Variants in BCKDHB observed in about 807,000 individuals in gnomAD.
The protein encoded by BCKDHB is 2-oxoisovalerate dehydrogenase subunit beta, mitochondrial.
BCKDHB carries 41 observed loss-of-function variants against 48.5 expected under a neutral mutation model. That is an observed-to-expected ratio of 0.85 (90% CI 0.66 to 1.10). The LOEUF is 1.10. BCKDHB is among the 50% of genes least tolerant of loss of function. BCKDHB has a pLI of 0.00. For missense variants in BCKDHB, 496 were observed against 494.2 expected, an observed-to-expected ratio of 1.00 and a Z score of -0.03; for synonymous variants, 201 against 174.8, an observed-to-expected ratio of 1.15 and a Z score of -1.18.
chr6:80,262,861 T>C (rs1465232354), intron 8 of BCKDHB, among the ~76,000 whole-genome samples: 1 of 152,168 alleles, frequency 6.6e-6, no homozygotes, highest in Admixed American at 6.5e-5. Flanking sequence ...CTATTGTAAG[T>C]ATATCTCACT....
the BCKDHB span, among the ~76,000 whole-genome samples, chr6:80,408,406 T>C: frequency 3.3e-5 from 5 of 152,190 alleles, no homozygotes; most frequent in Admixed American, 1.3e-4. Context: ...TTTCTTTTGA[T>C]TGGAATAGCT....
chr6:80,416,247 T>A, the BCKDHB span, among the ~76,000 whole-genome samples: 1 of 143,776 alleles, frequency 7.0e-6, no homozygotes, highest in Non-Finnish European at 1.6e-5. Context: ...TTGAATAGGT[T>A]TTTTTTTTTT....
At chr6:80,179,300 C>T (rs9350847) in intron 6 of BCKDHB, among the ~76,000 whole-genome samples, 63,962 of 152,030 alleles carry the variant, frequency 0.42, 15,929 homozygotes, top group Admixed American at 0.59. Context: ...GAAATATATA[C>T]AGTTGGCGCT....
chr6:80,160,336 T>G (rs1236253331), intron 3 of BCKDHB, among the ~76,000 whole-genome samples: 1 of 152,138 alleles, frequency 6.6e-6, no homozygotes, highest in Non-Finnish European at 1.5e-5. Flanking sequence ...TTTTGTATTT[T>G]TAGTAGAGAT....
rs1211236687 is a variant in BCKDHB at position 80,167,560 on chromosome 6, T to A, written c.344-118T>A. ...GCTAGCCATACTCTTTATTTTCTGTTTCCTCTACCTGTTCTATACTTCTCC... is the reference window on the plus strand; with the variant it reads ...GCTAGCCATACTCTTTATTTTCTGTATCCTCTACCTGTTCTATACTTCTCC... On this transcript the variant is annotated intron_variant, in intron 3 of 9. Coordinates refer to ENST00000320393, the MANE Select transcript of BCKDHB (RefSeq NM_183050.4). 2.7e-6 allele frequency: 3 copies of A among 1,117,946 alleles called. No individual in the cohort carries two copies. In the Admixed American group the frequency reaches 6.1e-5, roughly 23 times the overall value. The allele number at this position is 1,117,946 out of a possible 1,614,324, so 69.3% of individuals were successfully genotyped here.
the BCKDHB span, among the ~76,000 whole-genome samples, chr6:80,377,269 C>T: frequency 1.3e-5 from 2 of 151,950 alleles, no homozygotes; most frequent in African/African-American, 4.8e-5. Flanking sequence ...CTCGAACTCC[C>T]AAATTCAAGT....
At chr6:80,156,065 C>T (rs183528627) in intron 3 of BCKDHB, among the ~76,000 whole-genome samples, 3 of 151,918 alleles carry the variant, frequency 2.0e-5, no homozygotes, top group Non-Finnish European at 2.9e-5. Context: ...ATTTGTCCAC[C>T]TTCTCCCTGC....
chr6:80,438,036 A>G, the BCKDHB span, among the ~76,000 whole-genome samples: 1 of 152,170 alleles, frequency 6.6e-6, no homozygotes, highest in East Asian at 1.9e-4. Context: ...TGGATAATAG[A>G]AAGGATGAAA....
intron 3 of BCKDHB, among the ~76,000 whole-genome samples, chr6:80,160,708 C>T (rs937720484): frequency 6.6e-6 from 1 of 152,126 alleles, no homozygotes; most frequent in African/African-American, 2.4e-5. Flanking sequence ...AAGAAGAACA[C>T]TATTAGAAAG....
At chr6:80,268,358 G>T (rs1777600549) in intron 8 of BCKDHB, among the ~76,000 whole-genome samples, 1 of 152,006 alleles carries the variant, frequency 6.6e-6, no homozygotes, top group African/African-American at 2.4e-5. Flanking sequence ...ACCATTAGTT[G>T]TACTTATATG....
the BCKDHB span, among the ~76,000 whole-genome samples, chr6:80,380,267 C>T: frequency 1.3e-3 from 191 of 151,620 alleles, no homozygotes; most frequent in African/African-American, 4.4e-3. Context: ...AACAGAGAAC[C>T]GAAAAATAAA....
chr6:80,392,362 A>ATTTT, the BCKDHB span, among the ~76,000 whole-genome samples: 313 of 146,074 alleles, frequency 2.1e-3, no homozygotes, highest in African/African-American at 7.9e-3. Flanking sequence ...TTAGGGCTGT[A>ATTTT]TTTTTTTTTT....
At chr6:80,456,388 G>T in the BCKDHB span, among the ~76,000 whole-genome samples, 2 of 152,100 alleles carry the variant, frequency 1.3e-5, no homozygotes, top group African/African-American at 4.8e-5. Context: ...CTCTGACAAA[G>T]CTTTGGGGGT....
At chr6:80,403,720 T>C in the BCKDHB span, among the ~76,000 whole-genome samples, 9 of 152,136 alleles carry the variant, frequency 5.9e-5, no homozygotes, top group East Asian at 1.5e-3. Context: ...GGATTTCCCA[T>C]ACATAAACTT....
intron 8 of BCKDHB, among the ~76,000 whole-genome samples, chr6:80,227,405 A>G (rs372777515): frequency 2.0e-5 from 3 of 152,150 alleles, no homozygotes; most frequent in African/African-American, 4.8e-5. Context: ...AAATTTTAAA[A>G]TTGCATTGGG....
the BCKDHB span, among the ~76,000 whole-genome samples, chr6:80,408,065 G>C: frequency 2.0e-5 from 3 of 152,106 alleles, no homozygotes; most frequent in African/African-American, 2.4e-5. Context: ...TAGCATGAAG[G>C]GGTGTTGAAT....
the BCKDHB span, among the ~76,000 whole-genome samples, chr6:80,445,233 C>G: frequency 6.6e-6 from 1 of 152,174 alleles, no homozygotes; most frequent in Non-Finnish European, 1.5e-5. Flanking sequence ...ACAAGGAACT[C>G]TTGTGCTTTC....
At position 80,138,859 on chromosome 6, in the gene BCKDHB, A is replaced by G. The variant is rs566815476; in HGVS notation, c.343+9630A>G. On this transcript the variant is annotated intron_variant, in intron 3 of 9. Coordinates refer to ENST00000320393, the MANE Select transcript of BCKDHB (RefSeq NM_183050.4). ...GGTCAAATGGTATTTCTAGTTCTAG[A>G]TCCCTGAGGAATCGCCACACTGACT... Among the ~76,000 whole-genome samples the G allele has an allele frequency of 2.6e-5, 4 of 152,222 alleles. No individual in the cohort carries two copies. The East Asian group carries it at 5.8e-4, about 22-fold the overall frequency.
intron 1 of BCKDHB, among the ~76,000 whole-genome samples, chr6:80,107,991 A>T (rs1002633204): frequency 1.3e-5 from 2 of 152,164 alleles, no homozygotes; most frequent in African/African-American, 4.8e-5. Flanking sequence ...GATAAGAATG[A>T]ACAGTTATTG....
Sources: allele counts gnomAD v4.1 joint callset (sites outside exome capture counted in the v4.1 genomes callset), GRCh38; gene constraint gnomAD v4.1.1; transcripts MANE v1.5; gene names NCBI Gene and HGNC (gene_info 2026-07-23, HGNC 2026-07-21).